GRIP1: variants seen among roughly 807,000 people sequenced by gnomAD.
GRIP1 encodes glutamate receptor interacting protein 1.
A neutral mutation model predicts 129.9 loss-of-function variants in GRIP1; 45 were observed. That is an observed-to-expected ratio of 0.35 (90% confidence interval 0.27 to 0.44). The LOEUF (loss-of-function observed/expected upper bound fraction) is 0.44, where lower values mean the gene tolerates loss of function less well. GRIP1 is among the 20% of genes least tolerant of loss of function. The pLI is 1.00. For missense variants in GRIP1, 1,196 were observed against 1,396.8 expected (o/e 0.86, Z 2.29); for synonymous variants, 530 against 520.8 (o/e 1.02, Z -0.24).
rs2040478082 is a variant in GRIP1 at position 66,881,525 on chromosome 12, T to TG, written c.58+187524_58+187525insC. Among the ~76,000 whole-genome samples the TG allele has an allele frequency of 3.9e-5, 6 of 152,280 alleles. No individual in the cohort carries two copies. The East Asian group carries it at 1.2e-3, about 29-fold the overall frequency. On this transcript the variant is annotated intron_variant, in intron 1 of 1. Transcript: ENST00000643019. ...GAGACCTGGTAGGAATGGATAACTTTTTTTTTTTATTACCTCTCCAGCTTC... is the reference window on the plus strand; with the variant it reads ...GAGACCTGGTAGGAATGGATAACTTTGTTTTTTTTATTACCTCTCCAGCTTC...
chr12:66,906,851 T>C (rs1338586141), intron 1 of GRIP1, among the ~76,000 whole-genome samples: 1 of 152,214 alleles, frequency 6.6e-6, no homozygotes, highest in African/African-American at 2.4e-5. Context: ...TAAAGTAATT[T>C]TAAACCTTGA....
At chr12:66,765,196 G>T (rs964405006) in intron 1 of GRIP1, among the ~76,000 whole-genome samples, 6 of 152,082 alleles carry the variant, frequency 3.9e-5, no homozygotes, top group Admixed American at 1.3e-4. Flanking sequence ...CATCTGCCTG[G>T]TGATGATATT....
intron 2 of GRIP1, among the ~76,000 whole-genome samples, chr12:66,590,260 G>A (rs2063806178): frequency 6.6e-6 from 1 of 152,146 alleles, no homozygotes; most frequent in African/African-American, 2.4e-5. Context: ...ATTGCATGCT[G>A]GAAGAATTAT....
chr12:66,688,218 C>T (rs2034852102), intron 1 of GRIP1, among the ~76,000 whole-genome samples: 1 of 152,094 alleles, frequency 6.6e-6, no homozygotes, highest in Non-Finnish European at 1.5e-5. Flanking sequence ...AGAGTCTTGT[C>T]TAATACTCTT....
intron 11 of GRIP1, among the ~76,000 whole-genome samples, chr12:66,447,091 G>A (rs947671163): frequency 6.6e-6 from 1 of 152,204 alleles, no homozygotes; most frequent in Non-Finnish European, 1.5e-5. Context: ...GTGGGAATGG[G>A]AGACCCCTGA....
intron 1 of GRIP1, among the ~76,000 whole-genome samples, chr12:66,649,882 G>A (rs1284215150): frequency 6.6e-6 from 1 of 152,228 alleles, no homozygotes; most frequent in Non-Finnish European, 1.5e-5. Flanking sequence ...TTCTGTGGAA[G>A]AGCAGGCTAG....
chr12:66,943,055 G>T (rs2041612390), intron 1 of GRIP1, among the ~76,000 whole-genome samples: 1 of 152,150 alleles, frequency 6.6e-6, no homozygotes, highest in Non-Finnish European at 1.5e-5. Flanking sequence ...TATTCTAATA[G>T]CCCCAATGGA....
At chr12:66,946,495 C>A (rs565318422) in intron 1 of GRIP1, among the ~76,000 whole-genome samples, 7 of 152,116 alleles carry the variant, frequency 4.6e-5, no homozygotes, top group African/African-American at 1.7e-4. Context: ...AAATATATTA[C>A]AATGACTTTC....
chr12:66,606,379 A>T (rs1470872817), intron 1 of GRIP1, among the ~76,000 whole-genome samples: 1 of 152,206 alleles, frequency 6.6e-6, no homozygotes, highest in African/African-American at 2.4e-5. Flanking sequence ...TTCATTAAAC[A>T]GCAATCCCAC....
At chr12:66,517,790 T>C (rs2060889986) in intron 6 of GRIP1, 111 bp downstream of exon 6, 1 of 718,702 alleles carries the variant, frequency 1.4e-6, no homozygotes, top group Admixed American at 2.0e-5. Flanking sequence ...GTAACATGTT[T>C]GCTTAATAGC....
At chr12:66,775,577 A>T (rs12820970) in intron 1 of GRIP1, among the ~76,000 whole-genome samples, 39,761 of 152,048 alleles carry the variant, frequency 0.26, 5,505 homozygotes, top group Non-Finnish European at 0.31. Flanking sequence ...CCTAAACAAA[A>T]ATATTCACTT....
intron 7 of GRIP1, among the ~76,000 whole-genome samples, chr12:66,510,420 A>G (rs1302646284): frequency 6.6e-6 from 1 of 152,138 alleles, no homozygotes; most frequent in Admixed American, 6.6e-5. Flanking sequence ...ATAAGTGATG[A>G]TGACTTAAAA....
chr12:66,655,927 T>C (rs2033128362), intron 1 of GRIP1, among the ~76,000 whole-genome samples: 1 of 152,158 alleles, frequency 6.6e-6, no homozygotes, highest in South Asian at 2.1e-4. Flanking sequence ...TGAACACATA[T>C]ATATGTTAAT....
At chr12:66,907,966 G>C (rs1199136652) in intron 1 of GRIP1, among the ~76,000 whole-genome samples, 1 of 151,748 alleles carries the variant, frequency 6.6e-6, no homozygotes, top group Admixed American at 6.6e-5. Flanking sequence ...CAGAGATTAG[G>C]GCATTAGCAA....
At chr12:66,522,873 G>C (rs2061069385) in intron 5 of GRIP1, among the ~76,000 whole-genome samples, 1 of 152,138 alleles carries the variant, frequency 6.6e-6, no homozygotes, top group African/African-American at 2.4e-5. Context: ...TGAGAACTAT[G>C]TGAAGAATGC....
intron 1 of GRIP1, among the ~76,000 whole-genome samples, chr12:66,715,338 G>C (rs2035843815): frequency 6.6e-6 from 1 of 151,884 alleles, no homozygotes; most frequent in South Asian, 2.1e-4. Context: ...ATGCTGCCCT[G>C]TCCCTACAAC....
rs184357908 is a variant in GRIP1 at position 66,885,796 on chromosome 12, C to A, written c.58+183254G>T. 8.1e-4 allele frequency among the ~76,000 whole-genome samples: 123 copies of A among 152,094 alleles called. 1 individual carries two copies. Among genetic ancestry groups the A allele is most frequent in the Non-Finnish European group, 1.9e-4 (13 of 67,974 alleles). ...AACTCTAAAAGCCTCTATCTTTCTG[C>A]GAAAGAAGAGTGAGTCAGCCTGGAA... On this transcript the variant is annotated intron_variant, in intron 1 of 1. Coordinates refer to the GRIP1 transcript ENST00000643019.
chr12:66,740,149 G>T (rs779853050), intron 1 of GRIP1, among the ~76,000 whole-genome samples: 8 of 152,178 alleles, frequency 5.3e-5, no homozygotes, highest in African/African-American at 1.9e-4. Flanking sequence ...CTGGCAATCA[G>T]ATGTCCTTGT....
In GRIP1 at chr12:66,377,071, G is replaced by A; in HGVS notation, c.2734-10C>T. On this transcript the variant is annotated splice_polypyrimidine_tract_variant and intron_variant, in intron 21 of 24. Coordinates refer to ENST00000359742, the MANE Select transcript of GRIP1 (RefSeq NM_001366722.1). ...GCCTGTCAGCTTTCTCCTGTGGAAAGGGTTAAAGCTTTTAAATGAACTGGT... is the reference window on the plus strand; with the variant it reads ...GCCTGTCAGCTTTCTCCTGTGGAAAAGGTTAAAGCTTTTAAATGAACTGGT... 3 of 1,609,508 alleles carry A rather than the reference G, an allele frequency of 1.9e-6. No individual in the cohort carries two copies. The highest frequency in any genetic ancestry group is 1.7e-5 in the Admixed American group (1 of 60,022).
Sources: allele counts gnomAD v4.1 joint callset (sites outside exome capture counted in the v4.1 genomes callset), GRCh38; gene constraint gnomAD v4.1.1; transcripts MANE v1.5; gene names NCBI Gene and HGNC (gene_info 2026-07-23, HGNC 2026-07-21).